The following CUL3 variants were observed in gnomAD, a reference collection of about 807,000 sequenced individuals.
CUL3 encodes cullin-3.
Under a neutral mutation model 89.1 loss-of-function variants are expected in CUL3, and 19 were observed. That is an observed-to-expected ratio of 0.21 (90% CI 0.15 to 0.31). The LOEUF is 0.31. CUL3 is among the 10% of genes least tolerant of loss of function. The probability of loss-of-function intolerance (pLI) is 1.00; values close to 1 mark genes in which losing one functional copy is unlikely to be tolerated. For synonymous variants in CUL3, 351 were observed against 308.4 expected (o/e 1.14, Z -1.45); for missense variants, 469 against 942.3 (o/e 0.50, Z 6.58).
Position 224,470,254 on chromosome 2 carries a change from T to C in CUL3, c.*3991A>G, listed in dbSNP as rs12470077. On this transcript the variant is annotated 3_prime_UTR_variant, in exon 16 of 16. Coordinates refer to ENST00000264414, the MANE Select transcript of CUL3 (RefSeq NM_003590.5). The stretch of plus-strand genomic sequence containing the variant: ...TTATTAAAATCTTGAAATTTGACAA[T>C]TTCATTGTTACTAAAAAATACACGT... The C allele has an allele frequency of 0.31, 67,859 of 218,334 alleles. 10,928 individuals are homozygous for C. The highest frequency in any genetic ancestry group is 0.39 in the Middle Eastern group (271 of 700). The allele number at this position is 218,334 out of a possible 1,614,324, so 13.5% of individuals were successfully genotyped here.
At chr2:224,524,009 T>G (rs145882209) in intron 3 of CUL3, among the ~76,000 whole-genome samples, 4 of 152,108 alleles carry the variant, frequency 2.6e-5, no homozygotes, top group African/African-American at 7.2e-5. Context: ...TGTACAACAA[T>G]GTGAACGTAC....
chr2:224,556,001 C>A (rs1429848270), intron 2 of CUL3, among the ~76,000 whole-genome samples: 1 of 152,082 alleles, frequency 6.6e-6, no homozygotes, highest in African/African-American at 2.4e-5. Flanking sequence ...GAAAGCTGTG[C>A]ATAATAGGCA....
chr2:224,576,926 T>C (rs562528225), intron 1 of CUL3, among the ~76,000 whole-genome samples: 2 of 152,312 alleles, frequency 1.3e-5, no homozygotes, highest in Non-Finnish European at 2.9e-5. Context: ...TCTTTAAGTA[T>C]CCCAGTGGTA....
chr2:224,533,144 C>G (rs1049979462), intron 3 of CUL3: 6 of 152,188 alleles, frequency 3.9e-5, no homozygotes, highest in African/African-American at 1.4e-4. Context: ...GACCACAGGT[C>G]TGTGATGCGA....
intron 14 of CUL3, 88 bp from the exon 15 acceptor site, chr2:224,478,433 G>A (rs2106144126): frequency 7.7e-7 from 1 of 1,302,566 alleles, no homozygotes; most frequent in Non-Finnish European, 1.0e-6. Flanking sequence ...GTAATCCACA[G>A]ATAAAAACCA....
At chr2:224,518,838 G>C (rs1693161263) in intron 3 of CUL3, among the ~76,000 whole-genome samples, 1 of 152,108 alleles carries the variant, frequency 6.6e-6, no homozygotes, top group African/African-American at 2.4e-5. Flanking sequence ...CCATGGCTTG[G>C]ATTTCCCCTG....
At chr2:224,561,565 T>C (rs918584938) in intron 1 of CUL3, among the ~76,000 whole-genome samples, 2 of 152,196 alleles carry the variant, frequency 1.3e-5, no homozygotes, top group Non-Finnish European at 2.9e-5. Context: ...TCTGAAGAGC[T>C]TGAGAAGGAA....
chr2:224,532,565 G>A (rs1693735342), intron 3 of CUL3, among the ~76,000 whole-genome samples: 1 of 152,026 alleles, frequency 6.6e-6, no homozygotes, highest in African/African-American at 2.4e-5. Flanking sequence ...CATAATAGTT[G>A]AGGTAGAAGC....
chr2:224,545,421 C>T (rs971847270), intron 2 of CUL3, among the ~76,000 whole-genome samples: 2 of 152,088 alleles, frequency 1.3e-5, no homozygotes, highest in African/African-American at 4.8e-5. Flanking sequence ...TTCTAACGTA[C>T]ATAGTAATGT....
intron 2 of CUL3, among the ~76,000 whole-genome samples, chr2:224,542,951 G>C (rs538646143): frequency 6.6e-6 from 1 of 152,166 alleles, no homozygotes; most frequent in South Asian, 2.1e-4. Flanking sequence ...GCAGCTCTTG[G>C]GCTAGCTGGA....
intron 3 of CUL3, among the ~76,000 whole-genome samples, chr2:224,515,706 T>G (rs541685167): frequency 2.0e-5 from 3 of 151,974 alleles, no homozygotes; most frequent in Admixed American, 1.3e-4. Context: ...TTTTTTTTTT[T>G]TTTGAGATGG....
At position 224,490,353 on chromosome 2, in the gene CUL3, G is replaced by C. The variant is rs1691913985; in HGVS notation, c.1842+5479C>G. Among the ~76,000 whole-genome samples the C allele has an allele frequency of 2.0e-5, 3 of 152,258 alleles. No individual in the cohort carries two copies. The South Asian group carries it at 6.2e-4, about 32-fold the overall frequency. On this transcript the variant is annotated intron_variant, in intron 13 of 15. Transcript: ENST00000264414. Reference sequence around the variant, plus strand: ...CTCTCTCTGCCTCGGCTGCCAAACAGGGAAGGGCCCCCTGGCTGGTGGACA... The same window carrying C: ...CTCTCTCTGCCTCGGCTGCCAAACACGGAAGGGCCCCCTGGCTGGTGGACA...
intron 13 of CUL3, among the ~76,000 whole-genome samples, chr2:224,487,443 C>CA (rs530054431): frequency 0.11 from 2,914 of 27,686 alleles, 127 homozygotes; most frequent in African/African-American, 0.16. Context: ...CCGCCCCCCC[C>CA]AAAAAAAAAA....
intron 1 of CUL3, among the ~76,000 whole-genome samples, chr2:224,584,430 T>G (rs1009093079): frequency 6.6e-6 from 1 of 152,068 alleles, no homozygotes; most frequent in African/African-American, 2.4e-5. Flanking sequence ...CCACTGTCAC[T>G]GCGTCGGGGG....
intron 1 of CUL3, among the ~76,000 whole-genome samples, chr2:224,570,524 T>C (rs963314133): frequency 1.3e-5 from 2 of 152,186 alleles, no homozygotes; most frequent in Admixed American, 1.3e-4. Context: ...CATATAGCCT[T>C]GATTAGTGAC....
chr2:224,510,173 T>G (rs190048049), intron 6 of CUL3, among the ~76,000 whole-genome samples: 27 of 151,528 alleles, frequency 1.8e-4, no homozygotes, highest in African/African-American at 6.5e-4. Flanking sequence ...ACCCCTGACT[T>G]GGACCTCAAT....
At chr2:224,563,962 G>A (rs74438363) in intron 1 of CUL3, among the ~76,000 whole-genome samples, 1 of 152,106 alleles carries the variant, frequency 6.6e-6, no homozygotes, top group Non-Finnish European at 1.5e-5. Flanking sequence ...AAAAAAAAAG[G>A]TATGCTGAGA....
At chr2:224,551,833 T>G (rs1255688135) in intron 2 of CUL3, among the ~76,000 whole-genome samples, 1 of 152,210 alleles carries the variant, frequency 6.6e-6, no homozygotes, top group Non-Finnish European at 1.5e-5. Flanking sequence ...CCATTCACTT[T>G]GCCTAGAATA....
At chr2:224,564,258 G>C (rs940532112) in intron 1 of CUL3, among the ~76,000 whole-genome samples, 1 of 152,208 alleles carries the variant, frequency 6.6e-6, no homozygotes, top group African/African-American at 2.4e-5. Context: ...ACTCCAGCCT[G>C]GGCAACAGAG....
Sources: allele counts gnomAD v4.1 joint callset (sites outside exome capture counted in the v4.1 genomes callset), GRCh38; gene constraint gnomAD v4.1.1; transcripts MANE v1.5; gene names NCBI Gene and HGNC (gene_info 2026-07-23, HGNC 2026-07-21).